NPAS3: variants seen among roughly 807,000 people sequenced by gnomAD.
NPAS3 encodes neuronal PAS domain-containing protein 3.
In NPAS3, 14 loss-of-function variants were observed where a neutral mutation model predicts 73.1. That is an observed-to-expected ratio of 0.19 (90% CI 0.13 to 0.30). The LOEUF is 0.30. NPAS3 is among the 10% of genes least tolerant of loss of function. NPAS3 has a pLI of 1.00. For synonymous variants in NPAS3, 620 were observed against 541.5 expected (o/e 1.14, Z -2.01); for missense variants, 1,096 against 1,250.0 (o/e 0.88, Z 1.86).
chr14:33,470,933 T>TTAAA (rs568876022), intron 4 of NPAS3, among the ~76,000 whole-genome samples: 3 of 140,860 alleles, frequency 2.1e-5, no homozygotes, highest in African/African-American at 5.3e-5. Context: ...AGAGCATATT[T>TTAAA]AAAAAAAAAA....
chr14:33,512,946 T>G (rs1369370196), intron 4 of NPAS3, among the ~76,000 whole-genome samples: 1 of 152,056 alleles, frequency 6.6e-6, no homozygotes, highest in Non-Finnish European at 1.5e-5. Context: ...TAGGTTCTTA[T>G]GAAAAGGAAG....
At chr14:33,434,933 A>T (rs1190716014) in intron 4 of NPAS3, among the ~76,000 whole-genome samples, 1 of 152,136 alleles carries the variant, frequency 6.6e-6, no homozygotes, top group Non-Finnish European at 1.5e-5. Flanking sequence ...AGTAATTTTG[A>T]GGGGGGTGTG....
intron 4 of NPAS3, among the ~76,000 whole-genome samples, chr14:33,402,988 G>A (rs1340321293): frequency 6.6e-6 from 1 of 152,118 alleles, no homozygotes; most frequent in Admixed American, 6.6e-5. Flanking sequence ...CCATGCCTCT[G>A]TAGGTGAACA....
intron 7 of NPAS3, among the ~76,000 whole-genome samples, chr14:33,740,848 A>T (rs1173537100): frequency 6.6e-6 from 1 of 152,106 alleles, no homozygotes; most frequent in Non-Finnish European, 1.5e-5. Context: ...TCTGAATATA[A>T]ACATTTCGGG....
At chr14:33,277,096 T>C (rs73254987) in intron 3 of NPAS3, among the ~76,000 whole-genome samples, 24 of 152,274 alleles carry the variant, frequency 1.6e-4, no homozygotes, top group African/African-American at 5.3e-4. Context: ...TAATAGGGGA[T>C]GATATTTTAG....
chr14:33,464,323 C>T (rs1181615846), intron 4 of NPAS3, among the ~76,000 whole-genome samples: 2 of 151,968 alleles, frequency 1.3e-5, no homozygotes, highest in Admixed American at 6.6e-5. Flanking sequence ...TTTTTATTTT[C>T]ATGGTTCAAA....
In NPAS3 at chr14:33,697,242, A is replaced by T. The variant is rs138562159; in HGVS notation, c.733+20857A>T. On this transcript the variant is annotated intron_variant, in intron 6 of 11. Coordinates refer to ENST00000356141, the Ensembl canonical transcript of NPAS3. Reference sequence around the variant, plus strand: ...TCTTTGGCATCTAAATAAGCCTGCTACCTATGTCTATCAGACAGCAATACT... The same window carrying T: ...TCTTTGGCATCTAAATAAGCCTGCTTCCTATGTCTATCAGACAGCAATACT... Among the ~76,000 whole-genome samples the T allele has an allele frequency of 4.4e-3, 664 of 152,276 alleles. 2 individuals carry two copies. The highest frequency in any genetic ancestry group is 7.0e-3 in the Admixed American group (107 of 15,298).
intron 5 of NPAS3, among the ~76,000 whole-genome samples, chr14:33,627,219 CA>C (rs1401113819): frequency 3.9e-5 from 6 of 152,088 alleles, no homozygotes; most frequent in African/African-American, 1.4e-4. Context: ...ACTAAGATAA[CA>C]AATGTGAGAT....
intron 5 of NPAS3, among the ~76,000 whole-genome samples, chr14:33,594,280 T>TGTC (rs2057165117): frequency 6.6e-6 from 1 of 152,156 alleles, no homozygotes; most frequent in Non-Finnish European, 1.5e-5. Flanking sequence ...TGTTTGTTGT[T>TGTC]GTTGTTGTTG....
At chr14:33,472,001 A>T (rs2050805616) in intron 4 of NPAS3, among the ~76,000 whole-genome samples, 1 of 152,216 alleles carries the variant, frequency 6.6e-6, no homozygotes, top group Non-Finnish European at 1.5e-5. Context: ...ATTAGAATCT[A>T]ATGGCTGATG....
intron 5 of NPAS3, among the ~76,000 whole-genome samples, chr14:33,614,930 T>C (rs1202684913): frequency 6.7e-6 from 1 of 148,264 alleles, no homozygotes; most frequent in Non-Finnish European, 1.5e-5. Context: ...AATGTAAGAA[T>C]TGTAGGAAAA....
chr14:32,994,636 G>GTTTT (rs35991922), intron 1 of NPAS3, among the ~76,000 whole-genome samples: 2 of 135,296 alleles, frequency 1.5e-5, no homozygotes, highest in African/African-American at 5.5e-5. Flanking sequence ...GTTTGTTTTT[G>GTTTT]TTTTTTTTTT....
chr14:33,541,811 G>A (rs2054532406), intron 4 of NPAS3, among the ~76,000 whole-genome samples: 1 of 152,090 alleles, frequency 6.6e-6, no homozygotes, highest in Non-Finnish European at 1.5e-5. Flanking sequence ...CTTGGATTTG[G>A]GTCAAATCTG....
At chr14:32,935,174 T>C (rs1288500982), upstream of NPAS3, among the ~76,000 whole-genome samples, 11 of 152,140 alleles carry the variant, frequency 7.2e-5, no homozygotes, top group Admixed American at 5.9e-4. Flanking sequence ...CTTTGGTGGA[T>C]TGAAAAGCAC....
intron 4 of NPAS3, among the ~76,000 whole-genome samples, chr14:33,421,200 A>G (rs1254015029): frequency 6.6e-6 from 1 of 151,780 alleles, no homozygotes; most frequent in Non-Finnish European, 1.5e-5. Flanking sequence ...TGTTTTTTGA[A>G]GTTGTCCGTA....
rs74562218 is a variant in NPAS3, at chr14:32,943,154, G to C, written c.50+3788G>C. ...TTACAGTGAGCAAATGAGCAAACTT[G>C]AATTCAACATTATTCGATACTTTTT... On this transcript the variant is annotated intron_variant, in intron 1 of 11. Coordinates refer to ENST00000356141, the Ensembl canonical transcript of NPAS3. 5.0e-4 allele frequency among the ~76,000 whole-genome samples: 76 copies of C among 151,832 alleles called. No homozygotes were observed. In the East Asian group the frequency reaches 0.014, roughly 29 times the overall value.
chr14:33,370,154 A>G (rs1005400231), intron 4 of NPAS3, among the ~76,000 whole-genome samples: 1 of 152,178 alleles, frequency 6.6e-6, no homozygotes, highest in Non-Finnish European at 1.5e-5. Flanking sequence ...GCCACTGTAT[A>G]TGACTGCTAT....
chr14:33,674,427 T>C (rs537767701), intron 5 of NPAS3, among the ~76,000 whole-genome samples: 2 of 152,348 alleles, frequency 1.3e-5, no homozygotes, highest in South Asian at 2.1e-4. Flanking sequence ...AAAATAACCA[T>C]CATCAAGAAA....
chr14:33,146,677 T>G (rs1372100064), intron 2 of NPAS3, among the ~76,000 whole-genome samples: 1 of 152,226 alleles, frequency 6.6e-6, no homozygotes, highest in African/African-American at 2.4e-5. Flanking sequence ...CTTATTCACC[T>G]TTGCAGTACA....
Sources: gnomAD v4.1 joint callset for allele counts (sites outside exome capture counted in the v4.1 genomes callset) on GRCh38, gnomAD v4.1.1 for gene constraint, MANE v1.5 for transcripts, NCBI Gene and HGNC (gene_info 2026-07-23, HGNC 2026-07-21) for gene names.